SPATA17: variants seen among roughly 807,000 people sequenced by gnomAD.
The protein encoded by SPATA17 is spermatogenesis-associated protein 17.
In SPATA17, 53 loss-of-function variants were observed where a neutral mutation model predicts 62.2. The ratio of observed to expected loss-of-function variants is 0.85; its 90% CI spans 0.68 to 1.07. The LOEUF is 1.07. Among genes scored for constraint, SPATA17 ranks in the 50% least tolerant of loss-of-function variants. The pLI is 0.00. For synonymous variants in SPATA17, 146 were observed against 146.8 expected, an observed-to-expected ratio of 0.99 and a Z score of 0.04; for missense variants, 466 against 425.5, an observed-to-expected ratio of 1.10 and a Z score of -0.84.
intron 3 of SPATA17, among the ~76,000 whole-genome samples, chr1:217,657,191 C>T (rs1270035035): frequency 6.6e-6 from 1 of 152,204 alleles, no homozygotes; most frequent in Non-Finnish European, 1.5e-5. Context: ...ATCTTCTCCA[C>T]AGCTGTCATG....
intron 5 of SPATA17, among the ~76,000 whole-genome samples, chr1:217,736,366 T>C (rs1672509605): frequency 6.6e-6 from 1 of 152,224 alleles, no homozygotes; most frequent in African/African-American, 2.4e-5. Context: ...ACATACTCTT[T>C]ATTTTTACAG....
At chr1:217,852,949 A>G (rs1043621728) in intron 9 of SPATA17, among the ~76,000 whole-genome samples, 9 of 152,096 alleles carry the variant, frequency 5.9e-5, no homozygotes, top group African/African-American at 2.2e-4. Context: ...AGCACTTATT[A>G]TCATATAACT....
At chr1:217,791,736 C>T (rs1673998669) in intron 8 of SPATA17, among the ~76,000 whole-genome samples, 1 of 152,140 alleles carries the variant, frequency 6.6e-6, no homozygotes, top group Non-Finnish European at 1.5e-5. Context: ...TAGAGACATT[C>T]ATAAGACCAG....
chr1:217,867,145 G>A lies in SPATA17; in HGVS notation c.*126G>A, dbSNP rs900942357. The A allele has an allele frequency of 2.6e-5, 4 of 152,108 alleles. No homozygotes were observed. Among genetic ancestry groups the A allele is most frequent in the Non-Finnish European group, 5.9e-5 (4 of 68,022 alleles). 9.4% of individuals were successfully genotyped at this position (152,108 alleles called of 1,614,324 possible). ...ATTCAATAAACTATAAAATTTTGTA[G>A]CTCTAGTCATGAATTAATTATTGTG... On this transcript the variant is annotated 3_prime_UTR_variant, in exon 11 of 11. Coordinates refer to ENST00000366933, the MANE Select transcript of SPATA17 (RefSeq NM_138796.4).
intron 1 of SPATA17, among the ~76,000 whole-genome samples, chr1:217,643,573 T>C (rs1339282907): frequency 6.6e-6 from 1 of 152,074 alleles, no homozygotes; most frequent in Non-Finnish European, 1.5e-5. Flanking sequence ...GCTGAGCCAC[T>C]GTGACTTCCT....
intron 6 of SPATA17, among the ~76,000 whole-genome samples, chr1:217,772,909 G>T (rs759771441): frequency 6.6e-6 from 1 of 152,154 alleles, no homozygotes; most frequent in Non-Finnish European, 1.5e-5. Flanking sequence ...AGGACACTGC[G>T]TTTGGGATAG....
intron 9 of SPATA17, among the ~76,000 whole-genome samples, chr1:217,857,329 T>C (rs893781999): frequency 6.6e-6 from 1 of 152,086 alleles, no homozygotes; most frequent in East Asian, 1.9e-4. Context: ...TTGACTTGGG[T>C]TTGAAAAAGG....
At chr1:217,793,743 C>A (rs1674064131) in intron 8 of SPATA17, among the ~76,000 whole-genome samples, 6 of 151,962 alleles carry the variant, frequency 3.9e-5, no homozygotes, top group Admixed American at 3.9e-4. Flanking sequence ...GAAAGAGAAC[C>A]AGGAGCGATT....
chr1:217,832,947 G>GA lies in SPATA17; in HGVS notation c.1006-29815dup, dbSNP rs910581155. 2.8e-3 allele frequency among the ~76,000 whole-genome samples: 388 copies of GA among 140,456 alleles called. 1 individual carries two copies. Among genetic ancestry groups the GA allele is most frequent in the Non-Finnish European group, 4.4e-3 (282 of 63,972 alleles). The allele number at this position is 140,456 out of a possible 152,430, so 92.1% of individuals were successfully genotyped here. On this transcript the variant is annotated intron_variant, in intron 9 of 10. Coordinates refer to ENST00000366933, the MANE Select transcript of SPATA17 (RefSeq NM_138796.4). ...TAACAGAGTGAGACCCCGTCTCAAA[G>GA]AAAAAAAAAAAAGTTTACTTTCAAA...
chr1:217,637,684 C>A (rs145361753), intron 1 of SPATA17, among the ~76,000 whole-genome samples: 1 of 152,068 alleles, frequency 6.6e-6, no homozygotes, highest in African/African-American at 2.4e-5. Context: ...TTCTCTTAGT[C>A]CTATTAGCCT....
At position 217,702,032 on chromosome 1, in the gene SPATA17, GTATATA is replaced by G. The variant is rs10631525; in HGVS notation, c.395+18685_395+18690del. ...TTAGAGGCAATCACTAAAATTTGGTGTATATATATATATATATATGCAGATAATGTT... is the reference window on the plus strand; with the variant it reads ...TTAGAGGCAATCACTAAAATTTGGTGTATATATATATATGCAGATAATGTT... On this transcript the variant is annotated intron_variant, in intron 5 of 10. Transcript: ENST00000366933. Among the ~76,000 whole-genome samples, 5 of 147,856 alleles carry G rather than the reference GTATATA, an allele frequency of 3.4e-5. 1 individual carries two copies. The highest frequency in any genetic ancestry group is 3.6e-3 in the Middle Eastern group (1 of 276).
intron 2 of SPATA17, 93 bp from the exon 3 acceptor site, chr1:217,651,004 G>T: frequency 1.1e-6 from 1 of 933,656 alleles, no homozygotes; most frequent in East Asian, 2.6e-5. Flanking sequence ...CTTTGAATTT[G>T]AATTCTTGAA....
In SPATA17 at chr1:217,686,878, C is replaced by A. The variant is rs538632692; in HGVS notation, c.395+3517C>A. Among the ~76,000 whole-genome samples the A allele has an allele frequency of 2.1e-3, 322 of 152,266 alleles. 2 individuals carry two copies. The highest frequency in any genetic ancestry group is 1.6e-3 in the Non-Finnish European group (110 of 68,012). On this transcript the variant is annotated intron_variant, in intron 5 of 10. Transcript: ENST00000366933. The stretch of plus-strand genomic sequence containing the variant: ...GAATTACAGGTGCCTGCCACCATGT[C>A]TGGATAATTTTTGTATTTTTAGTAG...
At chr1:217,736,706 T>C (rs936487783) in intron 5 of SPATA17, among the ~76,000 whole-genome samples, 19 of 152,328 alleles carry the variant, frequency 1.2e-4, no homozygotes, top group Admixed American at 5.2e-4. Flanking sequence ...TAGGTTTGTA[T>C]TGTGTGTTAG....
chr1:217,702,298 G>A (rs1001648683), intron 5 of SPATA17, among the ~76,000 whole-genome samples: 6 of 152,086 alleles, frequency 3.9e-5, no homozygotes, highest in Non-Finnish European at 8.8e-5. Flanking sequence ...CACCACTAAT[G>A]TCTAAGCTTT....
chr1:217,834,454 G>T (rs1412220647), intron 9 of SPATA17, among the ~76,000 whole-genome samples: 1 of 152,090 alleles, frequency 6.6e-6, no homozygotes, highest in Non-Finnish European at 1.5e-5. Flanking sequence ...AGTGGGACAA[G>T]CTATGGAGGT....
At chr1:217,694,839 G>GT (rs1326470795) in intron 5 of SPATA17, among the ~76,000 whole-genome samples, 11 of 141,594 alleles carry the variant, frequency 7.8e-5, no homozygotes, top group South Asian at 2.4e-4. Context: ...CTTCTGGCTT[G>GT]TAGGGTTTCT....
At chr1:217,698,402 C>G (rs922763088) in intron 5 of SPATA17, among the ~76,000 whole-genome samples, 1 of 151,864 alleles carries the variant, frequency 6.6e-6, no homozygotes, top group Non-Finnish European at 1.5e-5. Context: ...CCACTGCACT[C>G]CAGCCTGGGC....
rs115631401 is a variant in SPATA17, at chr1:217,650,898, A to C, written c.159-199A>C. On this transcript the variant is annotated intron_variant, in intron 2 of 10. Transcript: ENST00000366933. ...TGTAATAATAAGCCCCAAAGAAATA[A>C]CAAATAGTTACCAATGCCGTTTTCT... is the stretch of plus-strand genomic sequence containing the variant. Among the ~76,000 whole-genome samples, 1,415 of 152,358 alleles carry C rather than the reference A, an allele frequency of 9.3e-3. 17 individuals are homozygous for C. Among genetic ancestry groups the C allele is most frequent in the African/African-American group, 0.032 (1,337 of 41,582 alleles).
Sources: gnomAD v4.1 joint callset for allele counts (sites outside exome capture counted in the v4.1 genomes callset) on GRCh38, gnomAD v4.1.1 for gene constraint, MANE v1.5 for transcripts, NCBI Gene and HGNC (gene_info 2026-07-23, HGNC 2026-07-21) for gene names.